Variants in CDH6 observed in about 807,000 individuals in gnomAD.
CDH6 encodes cadherin-6.
Under a neutral mutation model 78.0 loss-of-function variants are expected in CDH6, and 31 were observed. That is an observed-to-expected ratio of 0.40 (90% CI 0.30 to 0.54). The LOEUF (loss-of-function observed/expected upper bound fraction) is 0.54, where lower values mean the gene tolerates loss of function less well. CDH6 is among the 20% of genes least tolerant of loss of function. The pLI, the probability that CDH6 is intolerant of heterozygous loss-of-function variation, is 0.56. For synonymous variants in CDH6, 376 were observed against 368.8 expected, an observed-to-expected ratio of 1.02 and a Z score of -0.23; for missense variants, 724 against 975.9, an observed-to-expected ratio of 0.74 and a Z score of 3.44.
intron 1 of CDH6, among the ~76,000 whole-genome samples, chr5:31,213,614 A>T (rs1410250518): frequency 6.6e-6 from 1 of 152,248 alleles, no homozygotes; most frequent in East Asian, 1.9e-4. Context: ...TCCTTTTTTT[A>T]AAGCCTTTTC....
At chr5:31,253,742 C>G (rs998404884) in intron 1 of CDH6, among the ~76,000 whole-genome samples, 1 of 151,864 alleles carries the variant, frequency 6.6e-6, no homozygotes, top group Admixed American at 6.6e-5. Context: ...ACCTGTGGAG[C>G]CTTAGAAGAA....
rs117463846 is a variant in CDH6 at position 31,205,925 on chromosome 5, C to T, written c.-129+12039C>T. ...CATGAGTTTAATGTTCACAACAAGA[C>T]TTTCAAGTAAATACTGTCAATCTTC... On this transcript the variant is annotated intron_variant, in intron 1 of 11. Transcript: ENST00000265071. Among the ~76,000 whole-genome samples the T allele has an allele frequency of 1.6e-3, 241 of 152,296 alleles. 7 individuals are homozygous for T. The South Asian group carries it at 0.03, about 19-fold the overall frequency.
rs1738556432 is a variant in CDH6, at chr5:31,324,124, T to C, written c.*816T>C. 1 of 221,384 alleles carries C rather than the reference T, an allele frequency of 4.5e-6. No homozygotes were observed. Among genetic ancestry groups the C allele is most frequent in the South Asian group, 1.8e-4 (1 of 5,426 alleles). The allele number at this position is 221,384 out of a possible 1,614,324, so 13.7% of individuals were successfully genotyped here. On this transcript the variant is annotated 3_prime_UTR_variant, in exon 12 of 12. Transcript: ENST00000265071. Reference sequence around the variant, plus strand: ...GGCCACCACATGTATCACGGGTCACTTGAAATTCTTTCAGCTATCAGTAGG... The same window carrying C: ...GGCCACCACATGTATCACGGGTCACCTGAAATTCTTTCAGCTATCAGTAGG...
chr5:31,242,709 G>T (rs539691898), intron 1 of CDH6, among the ~76,000 whole-genome samples: 1 of 150,216 alleles, frequency 6.7e-6, no homozygotes, highest in Non-Finnish European at 1.5e-5. Flanking sequence ...AATGGGGGGG[G>T]GCGGTTAGAA....
intron 8 of CDH6, 22 bp downstream of exon 8, chr5:31,313,476 TG>T (rs1738211630): frequency 6.2e-7 from 1 of 1,608,232 alleles, no homozygotes; most frequent in Non-Finnish European, 8.5e-7. Flanking sequence ...CTAATACCGC[TG>T]CTGTCCCCTA....
chr5:31,303,624 A>G (rs1737893908), intron 6 of CDH6, among the ~76,000 whole-genome samples: 1 of 152,218 alleles, frequency 6.6e-6, no homozygotes, highest in African/African-American at 2.4e-5. Context: ...CTTCAAGACT[A>G]AAAATATTAA....
At chr5:31,317,976 G>A (rs1738374743) in intron 11 of CDH6, 52 bp downstream of exon 11, 1 of 1,593,228 alleles carries the variant, frequency 6.3e-7, no homozygotes, top group South Asian at 1.1e-5. Flanking sequence ...GGCTCACACT[G>A]TTACTGTGAC....
chr5:31,217,374 A>G (rs1185148005), intron 1 of CDH6, among the ~76,000 whole-genome samples: 1 of 152,204 alleles, frequency 6.6e-6, no homozygotes, highest in Non-Finnish European at 1.5e-5. Context: ...ATCAAAAAGT[A>G]TCTGTTCTTT....
chr5:31,285,050 C>A (rs1742975168), intron 2 of CDH6, among the ~76,000 whole-genome samples: 2 of 152,210 alleles, frequency 1.3e-5, no homozygotes, highest in African/African-American at 4.8e-5. Flanking sequence ...TATTGAGCTT[C>A]TAATCCTCAA....
chr5:31,302,025 G>C, intron 5 of CDH6, 86 bp from the exon 6 acceptor site: 1 of 828,862 alleles, frequency 1.2e-6, no homozygotes, highest in Non-Finnish European at 1.8e-6. Context: ...ATGTCTTAAA[G>C]AACTGTTAGA....
At chr5:31,202,014 A>T (rs933838967) in intron 1 of CDH6, among the ~76,000 whole-genome samples, 1 of 152,214 alleles carries the variant, frequency 6.6e-6, no homozygotes, top group African/African-American at 2.4e-5. Context: ...AAAGCGGATA[A>T]TTCAGTGGGA....
chr5:31,216,701 G>T (rs1321543494), intron 1 of CDH6, among the ~76,000 whole-genome samples: 1 of 112,526 alleles, frequency 8.9e-6, no homozygotes, highest in African/African-American at 3.1e-5. Flanking sequence ...AAAAAAAAAT[G>T]CAACAAGGAG....
At chr5:31,298,627 CAGA>C in intron 4 of CDH6, among the ~76,000 whole-genome samples, 1 of 152,134 alleles carries the variant, frequency 6.6e-6, no homozygotes, top group East Asian at 1.9e-4. Flanking sequence ...TGTGTTTCTG[CAGA>C]AGGTTATAAA....
At chr5:31,313,187 T>C in intron 7 of CDH6, 131 bp from the exon 8 acceptor site, 2 of 709,340 alleles carry the variant, frequency 2.8e-6, no homozygotes, top group Admixed American at 5.4e-5. Flanking sequence ...AAATATGCAC[T>C]AGAGATGGAA....
chr5:31,209,769 C>A (rs924995789), intron 1 of CDH6, among the ~76,000 whole-genome samples: 1 of 152,044 alleles, frequency 6.6e-6, no homozygotes, highest in African/African-American at 2.4e-5. Context: ...GTGATATAAC[C>A]AAAATTTCAG....
chr5:31,321,013 T>A (rs1051306284), intron 11 of CDH6, among the ~76,000 whole-genome samples: 4 of 151,888 alleles, frequency 2.6e-5, no homozygotes, highest in Non-Finnish European at 5.9e-5. Context: ...TGTATGTTCA[T>A]ATGGGCTCCT....
intron 1 of CDH6, among the ~76,000 whole-genome samples, chr5:31,197,983 T>C (rs1344968769): frequency 1.3e-5 from 2 of 152,146 alleles, no homozygotes; most frequent in Non-Finnish European, 2.9e-5. Context: ...ACCAAATGTG[T>C]ATAGTGTTTG....
At chr5:31,312,148 T>C (rs1424642421) in intron 7 of CDH6, among the ~76,000 whole-genome samples, 1 of 152,224 alleles carries the variant, frequency 6.6e-6, no homozygotes, top group Admixed American at 6.5e-5. Flanking sequence ...CCACTGGACA[T>C]TGTTTTCTTA....
chr5:31,317,971 A>G, intron 11 of CDH6, 47 bp downstream of exon 11: 1 of 1,599,134 alleles, frequency 6.3e-7, no homozygotes, highest in Non-Finnish European at 8.5e-7. Flanking sequence ...TGAGGGGCTC[A>G]CACTGTTACT....
Sources: allele counts gnomAD v4.1 joint callset (sites outside exome capture counted in the v4.1 genomes callset), GRCh38; gene constraint gnomAD v4.1.1; transcripts MANE v1.5; gene names NCBI Gene and HGNC (gene_info 2026-07-23, HGNC 2026-07-21).